Variants in ITPRID1 observed in about 807,000 individuals in gnomAD.
ITPRID1 encodes ITPR interacting domain containing 1, also known as protein ITPRID1.
A neutral mutation model predicts 95.4 loss-of-function variants in ITPRID1; 96 were observed. The observed-to-expected ratio is 1.01, with a 90% confidence interval of 0.85 to 1.19. The LOEUF (loss-of-function observed/expected upper bound fraction) is 1.19. Ranked by LOEUF, ITPRID1 falls within the 50% of genes most tolerant of loss-of-function variation. ITPRID1 has a pLI of 0.00. For synonymous variants in ITPRID1, 510 were observed against 453.6 expected, an observed-to-expected ratio of 1.12 and a Z score of -1.58; for missense variants, 1,339 against 1,252.9, an observed-to-expected ratio of 1.07 and a Z score of -1.04.
chr7:31,635,984 G>C (rs1789448463), intron 10 of ITPRID1, among the ~76,000 whole-genome samples: 1 of 152,170 alleles, frequency 6.6e-6, no homozygotes, highest in South Asian at 2.1e-4. Flanking sequence ...ACAGTTCTGT[G>C]TGGCTGGGGA....
chr7:31,598,655 G>T (rs924688970), intron 10 of ITPRID1, among the ~76,000 whole-genome samples: 2 of 151,982 alleles, frequency 1.3e-5, no homozygotes, highest in Non-Finnish European at 2.9e-5. Flanking sequence ...CGCCCGCCTT[G>T]GCCTCCCAAA....
Position 31,534,689 on chromosome 7 carries a change from T to C in ITPRID1, c.-97-14737T>C, listed in dbSNP as rs191958973. On this transcript the variant is annotated intron_variant, in intron 1 of 14. Coordinates refer to ENST00000615280, the MANE Select transcript of ITPRID1 (RefSeq NM_001257967.3). ...TTGCTATAAGCAACATATAATTTGA[T>C]TTTTTTTCTATCCAGTTGACCATTT... Among the ~76,000 whole-genome samples, 3 of 152,042 alleles carry C rather than the reference T, an allele frequency of 2.0e-5. No individual in the cohort carries two copies. In the East Asian group the frequency reaches 5.8e-4, roughly 29 times the overall value.
At chr7:31,576,623 G>T (rs1241759227) in intron 8 of ITPRID1, among the ~76,000 whole-genome samples, 1 of 152,188 alleles carries the variant, frequency 6.6e-6, no homozygotes, top group East Asian at 1.9e-4. Flanking sequence ...AAATATCACA[G>T]TCCTCTGTGA....
chr7:31,625,109 G>A (rs557568034), intron 10 of ITPRID1, among the ~76,000 whole-genome samples: 18 of 152,166 alleles, frequency 1.2e-4, no homozygotes, highest in African/African-American at 4.1e-4. Context: ...CAATCATTAA[G>A]AAGTCGGGAA....
At chr7:31,585,922 C>T (rs906891898) in intron 10 of ITPRID1, among the ~76,000 whole-genome samples, 2 of 150,186 alleles carry the variant, frequency 1.3e-5, no homozygotes, top group African/African-American at 4.9e-5. Flanking sequence ...ATGTGCCATG[C>T]TGGTGCGCTG....
chr7:31,558,982 G>A (rs1327419795), intron 5 of ITPRID1, among the ~76,000 whole-genome samples: 1 of 152,126 alleles, frequency 6.6e-6, no homozygotes, highest in African/African-American at 2.4e-5. Flanking sequence ...TAAGAAAGAA[G>A]TATAAAGCTA....
chr7:31,544,812 A>G (rs1784045444), intron 1 of ITPRID1, among the ~76,000 whole-genome samples: 1 of 152,204 alleles, frequency 6.6e-6, no homozygotes. Flanking sequence ...CTTCTAGAGC[A>G]TGATACTGTG....
intron 10 of ITPRID1, among the ~76,000 whole-genome samples, chr7:31,630,445 G>C (rs1788893189): frequency 6.6e-6 from 1 of 152,062 alleles, no homozygotes; most frequent in East Asian, 1.9e-4. Flanking sequence ...ACATCAGTAG[G>C]ATGACAAATA....
intron 1 of ITPRID1, among the ~76,000 whole-genome samples, chr7:31,531,989 A>G (rs10250392): frequency 0.58 from 88,603 of 151,892 alleles, 26,915 homozygotes; most frequent in Middle Eastern, 0.71. Context: ...AACTTACGTC[A>G]GGCCTAAAAA....
intron 9 of ITPRID1, among the ~76,000 whole-genome samples, chr7:31,581,254 A>G (rs1453837082): frequency 1.3e-5 from 2 of 152,192 alleles, no homozygotes; most frequent in Admixed American, 1.3e-4. Context: ...CTAAAGTCGT[A>G]CTAAAAGCTG....
Position 31,643,081 on chromosome 7 carries a change from A to T in ITPRID1, c.1711A>T (p.Thr571Ser), listed in dbSNP as rs2099431950. 1.9e-6 allele frequency: 3 copies of T among 1,614,010 alleles called. No individual in the cohort carries two copies. ...KYDHPLGFMV[T>S]HVTEMQDSFV... ...TGATCATCCTCTGGGGTTTATGGTA[A>T]CCCACGTCACAGAAATGCAGGACAG... Residue 571 changes from threonine to serine, a missense_variant, in exon 12 of 15, where the codon ACC becomes TCC. Thr to Ser is a moderately conservative substitution (Grantham distance 58). Coordinates refer to ENST00000615280, the MANE Select transcript of ITPRID1 (RefSeq NM_001257967.3).
At chr7:31,514,170 A>G (rs570012621) in intron 1 of ITPRID1, 50 bp downstream of exon 1, 1 of 152,220 alleles carries the variant, frequency 6.6e-6, no homozygotes, top group African/African-American at 2.4e-5. Context: ...GCTTTGAGGG[A>G]TAAACATTGC....
At chr7:31,520,780 G>A (rs2128127030) in intron 1 of ITPRID1, among the ~76,000 whole-genome samples, 1 of 152,072 alleles carries the variant, frequency 6.6e-6, no homozygotes, top group East Asian at 1.9e-4. Context: ...GCTAATCCAT[G>A]TATATACATA....
chr7:31,591,806 A>T (rs1785877021), intron 10 of ITPRID1, among the ~76,000 whole-genome samples: 1 of 152,188 alleles, frequency 6.6e-6, no homozygotes, highest in African/African-American at 2.4e-5. Flanking sequence ...TGATTTTTTA[A>T]TGTATATATT....
intron 10 of ITPRID1, among the ~76,000 whole-genome samples, chr7:31,598,768 A>C (rs1786216953): frequency 6.6e-6 from 1 of 152,198 alleles, no homozygotes; most frequent in African/African-American, 2.4e-5. Flanking sequence ...TGGGCAAATA[A>C]TATGAATATA....
intron 10 of ITPRID1, among the ~76,000 whole-genome samples, chr7:31,618,150 A>G (rs1013435184): frequency 6.6e-6 from 1 of 152,168 alleles, no homozygotes; most frequent in African/African-American, 2.4e-5. Flanking sequence ...GACTATGACT[A>G]AGTCACCCAG....
In ITPRID1 at chr7:31,578,431, A is replaced by G; in HGVS notation, c.1167A>G (p.Glu389=). 1 of 1,601,458 alleles carries G rather than the reference A, an allele frequency of 6.2e-7. No individual in the cohort carries two copies. Among genetic ancestry groups the G allele is most frequent in the Non-Finnish European group, 8.5e-7 (1 of 1,173,762 alleles). The change falls in exon 9 of 15, where the codon GAA becomes GAG. Residue 389 remains glutamate (E), a synonymous_variant. Transcript: ENST00000615280. ...AGKGPDSFEM[E]EVQSFEEETG... is the part of the protein sequence containing the mutation. Reference sequence around the variant, plus strand: ...AAGGACCAGACTCATTTGAAATGGAAGAGGTCAGTGCTGCACCAACGTACC... The same window carrying G: ...AAGGACCAGACTCATTTGAAATGGAGGAGGTCAGTGCTGCACCAACGTACC...
At chr7:31,556,803 T>G (rs760754326) in intron 5 of ITPRID1, among the ~76,000 whole-genome samples, 1 of 152,044 alleles carries the variant, frequency 6.6e-6, no homozygotes, top group Non-Finnish European at 1.5e-5. Flanking sequence ...AGTAACAAAT[T>G]ATCACAAACT....
intron 10 of ITPRID1, among the ~76,000 whole-genome samples, chr7:31,612,531 A>T (rs955702315): frequency 2.0e-5 from 3 of 152,106 alleles, no homozygotes. Flanking sequence ...TTTTAAAGAG[A>T]CTTTCCTGGA....
Sources: gnomAD v4.1 joint callset for allele counts (sites outside exome capture counted in the v4.1 genomes callset) on GRCh38, gnomAD v4.1.1 for gene constraint, MANE v1.5 for transcripts, NCBI Gene and HGNC (gene_info 2026-07-23, HGNC 2026-07-21) for gene names.